The following RBFOX1 variants were observed in gnomAD, a reference collection of about 807,000 sequenced individuals.
RBFOX1 encodes RNA binding fox-1 homolog 1, also known as RNA binding protein fox-1 homolog 1.
Under a neutral mutation model 57.7 loss-of-function variants are expected in RBFOX1, and 8 were observed. The observed-to-expected ratio is 0.14, with a 90% confidence interval of 0.08 to 0.25. The LOEUF is 0.25. RBFOX1 is among the 10% of genes least tolerant of loss of function. The pLI is 1.00. For synonymous variants in RBFOX1, 326 were observed against 222.4 expected (o/e 1.47, Z -4.15); for missense variants, 611 against 548.5 (o/e 1.11, Z -1.14).
intron 2 of RBFOX1, among the ~76,000 whole-genome samples, chr16:6,535,492 C>A (rs2096722336): frequency 6.6e-6 from 1 of 152,210 alleles, no homozygotes; most frequent in South Asian, 2.1e-4. Flanking sequence ...TTAGTGTTTT[C>A]ACTCCCATTC....
In RBFOX1 at chr16:6,058,570, C is replaced by G. The variant is rs559891925; in HGVS notation, c.-127+38578C>G. Among the ~76,000 whole-genome samples the G allele has an allele frequency of 1.2e-3, 176 of 152,214 alleles. 1 individual carries two copies. The highest frequency in any genetic ancestry group is 3.4e-3 in the Middle Eastern group (1 of 294). On this transcript the variant is annotated intron_variant, in intron 1 of 15. Coordinates refer to ENST00000550418, the MANE Select transcript of RBFOX1 (RefSeq NM_018723.4). Reference sequence around the variant, plus strand: ...GTTTATTCATCCATGCATCCACCATCCATGTATTCATCCATCTATCTACCC... The same window carrying G: ...GTTTATTCATCCATGCATCCACCATGCATGTATTCATCCATCTATCTACCC...
chr16:6,640,383 C>T (rs918039493), intron 2 of RBFOX1, among the ~76,000 whole-genome samples: 8 of 151,926 alleles, frequency 5.3e-5, no homozygotes, highest in Admixed American at 2.0e-4. Context: ...CCGAGGTGGG[C>T]GGATCACTGG....
chr16:5,321,210 A>T (rs180934924), intron 1 of RBFOX1, among the ~76,000 whole-genome samples: 1 of 152,170 alleles, frequency 6.6e-6, no homozygotes, highest in Non-Finnish European at 1.5e-5. Context: ...CAGTAATACC[A>T]CCAACTAAAA....
chr16:7,116,296 G>GAA (rs2065893008), intron 4 of RBFOX1, among the ~76,000 whole-genome samples: 4 of 152,132 alleles, frequency 2.6e-5, no homozygotes. Context: ...ATCTGCCTCT[G>GAA]AAAGCCTAGG....
intron 3 of RBFOX1, among the ~76,000 whole-genome samples, chr16:6,864,989 C>CTTTTTTTTTTTTT (rs1555544471): frequency 9.5e-6 from 1 of 105,800 alleles, no homozygotes; most frequent in African/African-American, 3.8e-5. Context: ...GTGGGTTTTT[C>CTTTTTTTTTTTTT]TTTTTCTTTT....
chr16:7,501,983 T>C (rs2071053363), intron 4 of RBFOX1, among the ~76,000 whole-genome samples: 1 of 152,182 alleles, frequency 6.6e-6, no homozygotes, highest in East Asian at 1.9e-4. Flanking sequence ...CCTGAAACAA[T>C]TGCGTGAGTA....
intron 2 of RBFOX1, among the ~76,000 whole-genome samples, chr16:6,526,715 A>G (rs1211024804): frequency 6.6e-6 from 1 of 151,050 alleles, no homozygotes; most frequent in African/African-American, 2.4e-5. Flanking sequence ...CTGTAGTCCC[A>G]GCTACTAGGG....
intron 3 of RBFOX1, among the ~76,000 whole-genome samples, chr16:6,874,342 C>A (rs1029907349): frequency 6.6e-6 from 1 of 151,794 alleles, no homozygotes; most frequent in African/African-American, 2.4e-5. Flanking sequence ...GAAACTGCAT[C>A]TCCACTAAAA....
chr16:5,585,032 T>A (rs2046786772), intron 2 of RBFOX1, among the ~76,000 whole-genome samples: 1 of 152,208 alleles, frequency 6.6e-6, no homozygotes. Flanking sequence ...TAGCATAAAA[T>A]TAACCATTTT....
At chr16:6,178,333 C>G (rs112807955) in intron 1 of RBFOX1, among the ~76,000 whole-genome samples, 18 of 151,644 alleles carry the variant, frequency 1.2e-4, no homozygotes, top group Non-Finnish European at 4.4e-5. Flanking sequence ...ATTACAGGCA[C>G]GCGCCACCAT....
chr16:7,295,876 A>G, intron 4 of RBFOX1, among the ~76,000 whole-genome samples: 1 of 152,198 alleles, frequency 6.6e-6, no homozygotes, highest in East Asian at 1.9e-4. Flanking sequence ...GCCTCTCCTA[A>G]GTGAAAGGCA....
At position 7,594,779 on chromosome 16, in the gene RBFOX1, C is replaced by T. The variant is rs953369567; in HGVS notation, c.469-770C>T. Among the ~76,000 whole-genome samples, 37 of 152,132 alleles carry T rather than the reference C, an allele frequency of 2.4e-4. 1 individual carries two copies. The highest frequency in any genetic ancestry group is 2.9e-5 in the Non-Finnish European group (2 of 68,020). On this transcript the variant is annotated intron_variant, in intron 7 of 15. Transcript: ENST00000550418. ...CTTTACAATATGGGTACACCTTTCC[C>T]TTTCTGGTTAACAAAGTAGGATGGA...
intron 4 of RBFOX1, among the ~76,000 whole-genome samples, chr16:7,475,619 G>A (rs1273561949): frequency 6.6e-6 from 1 of 152,032 alleles, no homozygotes; most frequent in Non-Finnish European, 1.5e-5. Context: ...GCTAGGATGG[G>A]CATTCTTGTA....
intron 2 of RBFOX1, among the ~76,000 whole-genome samples, chr16:6,450,881 TG>T (rs1426622531): frequency 1.0e-5 from 1 of 96,426 alleles, no homozygotes; most frequent in Non-Finnish European, 2.1e-5. Flanking sequence ...ATATCTCCTC[TG>T]AAATATTGAT....
chr16:6,975,815 A>C (rs1267294047), intron 3 of RBFOX1, among the ~76,000 whole-genome samples: 1 of 152,162 alleles, frequency 6.6e-6, no homozygotes, highest in Non-Finnish European at 1.5e-5. Context: ...AGATAATGGT[A>C]ATGGTAATAA....
intron 3 of RBFOX1, among the ~76,000 whole-genome samples, chr16:5,758,536 A>C (rs2053478612): frequency 6.6e-6 from 1 of 152,148 alleles, no homozygotes; most frequent in South Asian, 2.1e-4. Context: ...CATTTCTGTG[A>C]AGTTGCTTTG....
At chr16:6,950,387 C>G (rs988693796) in intron 3 of RBFOX1, among the ~76,000 whole-genome samples, 1 of 145,094 alleles carries the variant, frequency 6.9e-6, no homozygotes, top group African/African-American at 2.6e-5. Context: ...CACCCACCAC[C>G]CACTACCCAC....
intron 3 of RBFOX1, among the ~76,000 whole-genome samples, chr16:6,837,927 G>A (rs1244435117): frequency 6.6e-6 from 1 of 151,646 alleles, no homozygotes; most frequent in Non-Finnish European, 1.5e-5. Flanking sequence ...CATGGCAACA[G>A]CAGGAAGTTA....
intron 4 of RBFOX1, among the ~76,000 whole-genome samples, chr16:7,459,399 C>G (rs1225856623): frequency 6.6e-6 from 1 of 152,176 alleles, no homozygotes. Flanking sequence ...CCGTGCCTTC[C>G]TTCCTTCTCT....
Sources: allele counts gnomAD v4.1 joint callset (sites outside exome capture counted in the v4.1 genomes callset), GRCh38; gene constraint gnomAD v4.1.1; transcripts MANE v1.5; gene names NCBI Gene and HGNC (gene_info 2026-07-23, HGNC 2026-07-21).